DGKH: variants seen among roughly 807,000 people sequenced by gnomAD.
DGKH encodes diacylglycerol kinase eta.
A neutral mutation model predicts 159.3 loss-of-function variants in DGKH; 90 were observed. The observed-to-expected ratio is 0.57, with a 90% CI of 0.48 to 0.67. The LOEUF (loss-of-function observed/expected upper bound fraction) is 0.67, where lower values mean the gene tolerates loss of function less well. Ranked by LOEUF, DGKH falls within the 30% of genes least tolerant of loss-of-function variation. The pLI, the probability that DGKH is intolerant of heterozygous loss-of-function variation, is 0.00. For synonymous variants in DGKH, 536 were observed against 553.8 expected, an observed-to-expected ratio of 0.97 and a Z score of 0.45; for missense variants, 1,181 against 1,506.1, an observed-to-expected ratio of 0.78 and a Z score of 3.57.
At chr13:42,173,105 G>A (rs780951740) in intron 11 of DGKH, among the ~76,000 whole-genome samples, 1 of 152,150 alleles carries the variant, frequency 6.6e-6, no homozygotes, top group Non-Finnish European at 1.5e-5. Flanking sequence ...CCAAGTAGCT[G>A]GGATTACAGG....
At position 42,235,726 on chromosome 13, in the gene DGKH, T is replaced by C. The variant is rs1958400200; in HGVS notation, c.*6538T>C. On this transcript the variant is annotated 3_prime_UTR_variant, in exon 30 of 30. Coordinates refer to ENST00000337343, the MANE Select transcript of DGKH (RefSeq NM_178009.5). ...ATTGTAACATTCCCAGTTTTGTGAG[T>C]TATATATTGTATATTGAAGATGACT... The C allele has an allele frequency of 6.6e-6, 1 of 152,098 alleles. No individual in the cohort carries two copies. Among genetic ancestry groups the C allele is most frequent in the South Asian group, 2.1e-4 (1 of 4,826 alleles). 9.4% of individuals were successfully genotyped at this position (152,098 alleles called of 1,614,324 possible). A position where few individuals can be genotyped will look rare whatever the true frequency, so the allele number is the denominator to read the frequency against.
In DGKH at chr13:42,239,361, C is replaced by CA. The variant is rs1958475528; in HGVS notation, c.*10176dup. 6.6e-6 allele frequency: 1 copy of CA among 152,512 alleles called. No homozygotes were observed. Among genetic ancestry groups the CA allele is most frequent in the Non-Finnish European group, 1.5e-5 (1 of 67,986 alleles). 9.4% of individuals were successfully genotyped at this position (152,512 alleles called of 1,614,324 possible). On this transcript the variant is annotated 3_prime_UTR_variant, in exon 30 of 30. Transcript: ENST00000337343. The stretch of plus-strand genomic sequence containing the variant: ...ACACAGTTTTCATAGCAACAGTATG[C>CA]AAATTAGGTTTTTCTGCCAAGAAAC...
intron 3 of DGKH, among the ~76,000 whole-genome samples, chr13:42,151,961 T>G (rs1234312885): frequency 1.3e-5 from 2 of 152,124 alleles, no homozygotes; most frequent in Non-Finnish European, 2.9e-5. Context: ...ATACCTGTTG[T>G]TTTTTGACTT....
At chr13:42,155,156 T>G in intron 3 of DGKH, 135 bp from the exon 4 acceptor site, 1 of 696,154 alleles carries the variant, frequency 1.4e-6, no homozygotes, top group South Asian at 2.4e-5. Flanking sequence ...ACCACATTAT[T>G]TTATCATACA....
chr13:42,074,017 G>A (rs935607243), intron 1 of DGKH, among the ~76,000 whole-genome samples: 9 of 152,166 alleles, frequency 5.9e-5, no homozygotes, highest in African/African-American at 1.9e-4. Context: ...TGATGTTTTT[G>A]TTAGACTGTC....
chr13:42,074,998 G>A (rs1004428101), intron 1 of DGKH, among the ~76,000 whole-genome samples: 7 of 152,126 alleles, frequency 4.6e-5, no homozygotes, highest in Non-Finnish European at 4.4e-5. Flanking sequence ...CAGCAAACAG[G>A]CCTTTATGCC....
rs1027636917 is a variant in DGKH, at chr13:42,236,010, G to A, written c.*6822G>A. ...ATTTTAGTTTGCAGGATTTTTGGCAGACAAAATATTTAATAACAAATATAA... is the reference window on the plus strand; with the variant it reads ...ATTTTAGTTTGCAGGATTTTTGGCAAACAAAATATTTAATAACAAATATAA... On this transcript the variant is annotated 3_prime_UTR_variant, in exon 30 of 30. Coordinates refer to ENST00000337343, the MANE Select transcript of DGKH (RefSeq NM_178009.5). 2.0e-5 allele frequency: 3 copies of A among 152,088 alleles called. No homozygotes were observed. The highest frequency in any genetic ancestry group is 7.2e-5 in the African/African-American group (3 of 41,416). The allele number at this position is 152,088 out of a possible 1,614,324, so 9.4% of individuals were successfully genotyped here. A position where few individuals can be genotyped will look rare whatever the true frequency, so the allele number is the denominator to read the frequency against.
chr13:42,109,727 C>A (rs1954826189), intron 1 of DGKH, among the ~76,000 whole-genome samples: 2 of 152,040 alleles, frequency 1.3e-5, no homozygotes, highest in African/African-American at 4.8e-5. Flanking sequence ...GCACAGCCTT[C>A]ATCTCTGACC....
intron 1 of DGKH, among the ~76,000 whole-genome samples, chr13:42,112,749 G>A (rs193167665): frequency 7.2e-5 from 11 of 152,264 alleles, no homozygotes; most frequent in Non-Finnish European, 1.0e-4. Context: ...TCCTGTAAGC[G>A]GGGACATCAT....
intron 3 of DGKH, among the ~76,000 whole-genome samples, chr13:42,138,908 G>A (rs1479806932): frequency 1.3e-5 from 2 of 152,098 alleles, no homozygotes; most frequent in African/African-American, 4.8e-5. Context: ...ACTGATTTAA[G>A]TACAATTTAG....
chr13:42,131,335 G>T (rs950118433), intron 3 of DGKH, among the ~76,000 whole-genome samples: 5 of 152,210 alleles, frequency 3.3e-5, no homozygotes, highest in Non-Finnish European at 7.3e-5. Flanking sequence ...AGAACCAAAA[G>T]TTGAAGACTC....
chr13:42,148,730 C>T (rs1419660667), intron 3 of DGKH, among the ~76,000 whole-genome samples: 1 of 152,100 alleles, frequency 6.6e-6, no homozygotes. Flanking sequence ...ATAATTGCCC[C>T]TCTGCTTTTA....
intron 1 of DGKH, among the ~76,000 whole-genome samples, chr13:42,112,876 G>A (rs1954890220): frequency 6.6e-6 from 1 of 152,206 alleles, no homozygotes; most frequent in Admixed American, 6.5e-5. Context: ...ACAGCAGCTG[G>A]AGCCATTCTT....
In DGKH at chr13:42,174,075, A is replaced by G. The variant is rs748197007; in HGVS notation, c.1383A>G (p.Thr461=). ...TKMLDRWSIM[T]YELKLPPKAS... ...CTCCCTTCAGGTGGAGTATAATGAC[A>G]TATGAACTCAAATTGCCACCAAAAG... Residue 461 remains threonine, a synonymous_variant, in exon 12 of 30, where the codon ACA becomes ACG. Transcript: ENST00000337343. 8 of 1,613,916 alleles carry G rather than the reference A, an allele frequency of 5.0e-6. No individual in the cohort carries two copies. The highest frequency in any genetic ancestry group is 1.7e-5 in the Admixed American group (1 of 59,986).
chr13:42,208,925 A>G (rs763326683), intron 21 of DGKH, 34 bp from the exon 22 acceptor site: 5 of 1,513,238 alleles, frequency 3.3e-6, no homozygotes, highest in Non-Finnish European at 4.5e-6. Flanking sequence ...TCACCTAAAC[A>G]TTCAGTAGAA....
intron 1 of DGKH, among the ~76,000 whole-genome samples, chr13:42,077,955 T>C (rs1395984246): frequency 6.6e-6 from 1 of 152,206 alleles, no homozygotes; most frequent in Non-Finnish European, 1.5e-5. Context: ...AAGAGAAATA[T>C]TTTGGGGAAA....
At chr13:42,049,459 C>T (rs954754325) in intron 1 of DGKH, among the ~76,000 whole-genome samples, 2 of 152,254 alleles carry the variant, frequency 1.3e-5, no homozygotes, top group African/African-American at 2.4e-5. Flanking sequence ...CTGCAGTGAG[C>T]CCTGCTGCTT....
In DGKH at chr13:42,237,237, G is replaced by A. The variant is rs1958434141; in HGVS notation, c.*8049G>A. The A allele has an allele frequency of 6.6e-6, 1 of 152,158 alleles. No individual in the cohort carries two copies. Among genetic ancestry groups the A allele is most frequent in the South Asian group, 2.1e-4 (1 of 4,830 alleles). The allele number at this position is 152,158 out of a possible 1,614,324, so 9.4% of individuals were successfully genotyped here. Reference sequence around the variant, plus strand: ...TTACCAAAGAAAATTGCTTTAATAAGCCCTAACTTTAACTGTTTTCTTCTA... The same window carrying A: ...TTACCAAAGAAAATTGCTTTAATAAACCCTAACTTTAACTGTTTTCTTCTA... On this transcript the variant is annotated 3_prime_UTR_variant, in exon 30 of 30. Transcript: ENST00000337343.
At chr13:42,075,314 G>A (rs1009295467) in intron 1 of DGKH, among the ~76,000 whole-genome samples, 1 of 152,140 alleles carries the variant, frequency 6.6e-6, no homozygotes, top group African/African-American at 2.4e-5. Context: ...TGGTGACCAT[G>A]CTGTCACATT....
Sources: gnomAD v4.1 joint callset for allele counts (sites outside exome capture counted in the v4.1 genomes callset) on GRCh38, gnomAD v4.1.1 for gene constraint, MANE v1.5 for transcripts, NCBI Gene and HGNC (gene_info 2026-07-23, HGNC 2026-07-21) for gene names.